The following GSK3B variants were observed in gnomAD, a reference collection of about 807,000 sequenced individuals.
GSK3B encodes the protein glycogen synthase kinase-3 beta.
In GSK3B, 15 loss-of-function variants were observed where a neutral mutation model predicts 56.4. That is an observed-to-expected ratio of 0.27 (90% CI 0.18 to 0.41). The LOEUF is 0.41. Ranked by LOEUF, GSK3B falls within the 10% of genes least tolerant of loss-of-function variation. GSK3B has a pLI of 1.00. For synonymous variants in GSK3B, 181 were observed against 188.9 expected (o/e 0.96, Z 0.34); for missense variants, 300 against 513.4 (o/e 0.58, Z 4.02).
intron 3 of GSK3B, among the ~76,000 whole-genome samples, chr3:119,938,486 G>GA (rs1487085801): frequency 6.6e-6 from 1 of 151,770 alleles, no homozygotes; most frequent in African/African-American, 2.4e-5. Flanking sequence ...TTCAACATAA[G>GA]AAAATCAATG....
At chr3:120,090,230 TAAA>T (rs55859010) in intron 1 of GSK3B, among the ~76,000 whole-genome samples, 1 of 146,200 alleles carries the variant, frequency 6.8e-6, no homozygotes. Context: ...AAGCTGTATA[TAAA>T]AAAAAAAAAA....
intron 4 of GSK3B, among the ~76,000 whole-genome samples, chr3:119,919,809 G>A (rs896063591): frequency 2.6e-5 from 4 of 151,394 alleles, no homozygotes; most frequent in Non-Finnish European, 4.4e-5. Flanking sequence ...CTAGAATACA[G>A]CCACATGATG....
At chr3:120,041,354 T>G (rs913317564) in intron 1 of GSK3B, 5 of 317,906 alleles carry the variant, frequency 1.6e-5, no homozygotes, top group African/African-American at 1.1e-4. Flanking sequence ...GTGCTGGAAG[T>G]AGAGATGTCC....
intron 1 of GSK3B, chr3:120,029,857 G>C (rs561345533): frequency 1.8e-6 from 1 of 551,138 alleles, no homozygotes; most frequent in African/African-American, 1.9e-5. Context: ...AAAAGGAGGT[G>C]GCTCTAAGTA....
chr3:120,066,489 T>C (rs1449510486), intron 1 of GSK3B, among the ~76,000 whole-genome samples: 1 of 152,206 alleles, frequency 6.6e-6, no homozygotes, highest in Non-Finnish European at 1.5e-5. Flanking sequence ...GGGGTTCATA[T>C]AAATACGTAC....
At chr3:119,879,420 AT>A in intron 7 of GSK3B, among the ~76,000 whole-genome samples, 1 of 152,092 alleles carries the variant, frequency 6.6e-6, no homozygotes, top group South Asian at 2.1e-4. Flanking sequence ...TGACCTCGTG[AT>A]TTACCCACTT....
chr3:119,921,802 A>T (rs2056842227), intron 4 of GSK3B, among the ~76,000 whole-genome samples: 1 of 152,228 alleles, frequency 6.6e-6, no homozygotes, highest in African/African-American at 2.4e-5. Flanking sequence ...AATACCATTT[A>T]TTTTCATAGG....
At chr3:120,056,403 G>A (rs540877469) in intron 1 of GSK3B, among the ~76,000 whole-genome samples, 20 of 152,122 alleles carry the variant, frequency 1.3e-4, no homozygotes, top group Non-Finnish European at 2.5e-4. Flanking sequence ...GCACTAGTAC[G>A]ATCTTGGCTG....
chr3:119,996,990 T>C (rs950088929), intron 2 of GSK3B, among the ~76,000 whole-genome samples: 2 of 152,166 alleles, frequency 1.3e-5, no homozygotes, highest in African/African-American at 4.8e-5. Flanking sequence ...ATATATTACA[T>C]TTAGATCATA....
At chr3:119,918,087 T>C (rs1488017467) in intron 4 of GSK3B, among the ~76,000 whole-genome samples, 2 of 152,278 alleles carry the variant, frequency 1.3e-5, no homozygotes, top group South Asian at 2.1e-4. Context: ...CAATATTCTG[T>C]AGTGGTTTGA....
Position 119,939,955 on chromosome 3 carries a change from A to G in GSK3B, c.366+7313T>C, listed in dbSNP as rs114826384. On this transcript the variant is annotated intron_variant, in intron 3 of 10. Transcript: ENST00000264235. ...ACAAGGATTGAGAATATGGCCCAGGATAAGTATGAAAGTAAAGAAAAATGG... is the reference window on the plus strand; with the variant it reads ...ACAAGGATTGAGAATATGGCCCAGGGTAAGTATGAAAGTAAAGAAAAATGG... 8.7e-3 allele frequency among the ~76,000 whole-genome samples: 1,324 copies of G among 152,202 alleles called. 15 individuals are homozygous for G. Among genetic ancestry groups the G allele is most frequent in the African/African-American group, 0.029 (1,193 of 41,518 alleles).
rs1353504047 is a variant in GSK3B at position 119,823,757 on chromosome 3, G to A, written c.*3031C>T. Reference sequence around the variant, plus strand: ...CAGGGCTTCAACGAAATGAAATTACGAATATGATTTCCTCTTCCCACTCCT... The same window carrying A: ...CAGGGCTTCAACGAAATGAAATTACAAATATGATTTCCTCTTCCCACTCCT... On this transcript the variant is annotated 3_prime_UTR_variant, in exon 11 of 11. Transcript: ENST00000264235. 5 of 193,400 alleles carry A rather than the reference G, an allele frequency of 2.6e-5. No homozygotes were observed. The highest frequency in any genetic ancestry group is 1.2e-4 in the African/African-American group (5 of 43,070). The allele number at this position is 193,400 out of a possible 1,614,324, so 12.0% of individuals were successfully genotyped here.
intron 8 of GSK3B, chr3:119,866,733 G>T: frequency 1.4e-6 from 1 of 727,518 alleles, no homozygotes; most frequent in Non-Finnish European, 2.4e-6. Flanking sequence ...AATCCATGGT[G>T]TGGGGGGGGA....
At chr3:120,071,717 T>C (rs1413149557) in intron 1 of GSK3B, among the ~76,000 whole-genome samples, 1 of 152,230 alleles carries the variant, frequency 6.6e-6, no homozygotes, top group Admixed American at 6.5e-5. Context: ...TATTTCATTA[T>C]ACATTACAAT....
Position 119,826,509 on chromosome 3 carries a change from G to A in GSK3B, c.*279C>T. 1.8e-6 allele frequency: 1 copy of A among 554,850 alleles called. No individual in the cohort carries two copies. The highest frequency in any genetic ancestry group is 2.0e-5 in the South Asian group (1 of 49,464). The allele number at this position is 554,850 out of a possible 1,614,324, so 34.4% of individuals were successfully genotyped here. ...ACTTTTAATAAAAAAAGATTGTCGT[G>A]GGAGAGAGATTGTATGTTCTAGTGC... On this transcript the variant is annotated 3_prime_UTR_variant, in exon 11 of 11. Coordinates refer to ENST00000264235, the MANE Select transcript of GSK3B (RefSeq NM_001146156.2).
intron 2 of GSK3B, among the ~76,000 whole-genome samples, chr3:119,980,603 C>G (rs1408980575): frequency 6.6e-6 from 1 of 152,210 alleles, no homozygotes; most frequent in Non-Finnish European, 1.5e-5. Flanking sequence ...ACCCACCCGT[C>G]TTGGCCTCCC....
intron 7 of GSK3B, among the ~76,000 whole-genome samples, chr3:119,880,820 GA>G (rs2056371085): frequency 6.6e-6 from 1 of 152,134 alleles, no homozygotes; most frequent in Non-Finnish European, 1.5e-5. Flanking sequence ...GAGGAGTGAA[GA>G]ATGAGGGAGT....
At chr3:119,892,950 C>T (rs1472212041) in intron 7 of GSK3B, among the ~76,000 whole-genome samples, 1 of 152,050 alleles carries the variant, frequency 6.6e-6, no homozygotes, top group Non-Finnish European at 1.5e-5. Context: ...ATCATTTTCA[C>T]TTATAGAGGA....
chr3:119,986,063 T>A (rs910015815), intron 2 of GSK3B, among the ~76,000 whole-genome samples: 1 of 152,058 alleles, frequency 6.6e-6, no homozygotes. Flanking sequence ...TTGACAAACC[T>A]GAGAAAAACA....
Sources: gnomAD v4.1 joint callset for allele counts (sites outside exome capture counted in the v4.1 genomes callset) on GRCh38, gnomAD v4.1.1 for gene constraint, MANE v1.5 for transcripts, NCBI Gene and HGNC (gene_info 2026-07-23, HGNC 2026-07-21) for gene names.